Variants in PLD5 observed in about 807,000 individuals in gnomAD.
PLD5 encodes the protein phospholipase D family member 5, also known as inactive phospholipase D5.
In PLD5, 36 loss-of-function variants were observed where a neutral mutation model predicts 61.1. The ratio of observed to expected loss-of-function variants is 0.59; its 90% CI spans 0.45 to 0.78. The LOEUF is 0.78. PLD5 is among the 30% of genes least tolerant of loss of function. The pLI is 0.00. For synonymous variants in PLD5, 243 were observed against 242.8 expected, an observed-to-expected ratio of 1.00 and a Z score of -0.01; for missense variants, 515 against 644.4, an observed-to-expected ratio of 0.80 and a Z score of 2.17.
rs74153361 is a variant in PLD5 at position 242,136,889 on chromosome 1, A to G, written c.736-12224T>C. Among the ~76,000 whole-genome samples the G allele has an allele frequency of 9.6e-3, 1,463 of 152,342 alleles. 21 individuals are homozygous for G. Among genetic ancestry groups the G allele is most frequent in the African/African-American group, 0.033 (1,391 of 41,572 alleles). ...AGTATCCGGGATGGGAGACAGTCCA[A>G]TAGCTGCTTGGCAAATGGCTGGTTG... On this transcript the variant is annotated intron_variant, in intron 5 of 9. Coordinates refer to ENST00000536534, the MANE Select transcript of PLD5 (RefSeq NM_001372062.1).
chr1:242,504,978 A>G (rs1368368635), intron 1 of PLD5, among the ~76,000 whole-genome samples: 1 of 152,030 alleles, frequency 6.6e-6, no homozygotes, highest in African/African-American at 2.4e-5. Context: ...CAACACAATG[A>G]TACTCCATCT....
chr1:242,093,894 C>T (rs1488841653), intron 9 of PLD5, among the ~76,000 whole-genome samples: 35 of 151,462 alleles, frequency 2.3e-4, no homozygotes, highest in Admixed American at 2.0e-3. Flanking sequence ...TTTTTTCCTT[C>T]AAATTCAATG....
chr1:242,395,818 G>A (rs1663539292), intron 1 of PLD5, among the ~76,000 whole-genome samples: 1 of 152,216 alleles, frequency 6.6e-6, no homozygotes, highest in South Asian at 2.1e-4. Context: ...GGGAGGCCAA[G>A]GCAGGTGAAT....
At chr1:242,428,207 G>A (rs564200052) in intron 1 of PLD5, among the ~76,000 whole-genome samples, 40 of 152,300 alleles carry the variant, frequency 2.6e-4, no homozygotes, top group Admixed American at 2.2e-3. Context: ...TACAGTGAGC[G>A]TTTAAAATAA....
intron 7 of PLD5, 104 bp from the exon 8 acceptor site, chr1:242,107,943 T>C (rs972175464): frequency 2.0e-5 from 22 of 1,117,290 alleles, no homozygotes; most frequent in Non-Finnish European, 2.7e-5. Context: ...CATTACTTTA[T>C]CCTGTAATAT....
rs377210801 is a variant in PLD5 at position 242,122,604 on chromosome 1, GA to G, written c.933+1863del. 2.0e-3 allele frequency among the ~76,000 whole-genome samples: 303 copies of G among 152,240 alleles called. 1 individual carries two copies. Among genetic ancestry groups the G allele is most frequent in the South Asian group, 0.018 (88 of 4,820 alleles). On this transcript the variant is annotated intron_variant, in intron 6 of 9. Coordinates refer to ENST00000536534, the MANE Select transcript of PLD5 (RefSeq NM_001372062.1). ...TTATAGGGTCATCTTGAGATGAATT[GA>G]AAATGTCTATATAATTTATATTTAT...
At chr1:242,169,259 T>A (rs1388827099) in intron 5 of PLD5, among the ~76,000 whole-genome samples, 2 of 152,132 alleles carry the variant, frequency 1.3e-5, no homozygotes, top group Non-Finnish European at 2.9e-5. Flanking sequence ...TCACTGGGAA[T>A]GGTTGGACAG....
chr1:242,389,757 A>T (rs1294516172), intron 1 of PLD5, among the ~76,000 whole-genome samples: 2 of 152,178 alleles, frequency 1.3e-5, no homozygotes, highest in Admixed American at 6.6e-5. Context: ...TTCATGAGGG[A>T]TTAATAAACA....
At chr1:242,273,973 C>T (rs1674262660) in intron 3 of PLD5, among the ~76,000 whole-genome samples, 1 of 152,112 alleles carries the variant, frequency 6.6e-6, no homozygotes, top group Non-Finnish European at 1.5e-5. Flanking sequence ...TGGTTTTGAT[C>T]CGGGGAAACT....
chr1:242,200,967 C>T (rs1192212759), intron 5 of PLD5, among the ~76,000 whole-genome samples: 2 of 152,268 alleles, frequency 1.3e-5, no homozygotes, highest in African/African-American at 4.8e-5. Context: ...AATTCAGAGC[C>T]ACCAGTTCTA....
chr1:242,149,267 C>T (rs1048751256), intron 5 of PLD5, among the ~76,000 whole-genome samples: 1 of 151,782 alleles, frequency 6.6e-6, no homozygotes, highest in Non-Finnish European at 1.5e-5. Flanking sequence ...TACGGGTTTG[C>T]TTCTTTAGTC....
chr1:242,432,283 A>G (rs574722477), intron 1 of PLD5, among the ~76,000 whole-genome samples: 1 of 152,368 alleles, frequency 6.6e-6, no homozygotes, highest in African/African-American at 2.4e-5. Context: ...AATAGCATCA[A>G]TAGGAAATTC....
intron 3 of PLD5, among the ~76,000 whole-genome samples, chr1:242,288,097 T>C (rs1322462404): frequency 1.3e-5 from 2 of 152,232 alleles, no homozygotes; most frequent in South Asian, 2.1e-4. Context: ...CCTGAAGTTG[T>C]ACAACACAGC....
intron 2 of PLD5, among the ~76,000 whole-genome samples, chr1:242,298,467 GC>G (rs971892126): frequency 2.0e-4 from 30 of 152,198 alleles, no homozygotes; most frequent in Non-Finnish European, 1.0e-4. Context: ...GGGTCATCTA[GC>G]TAGAGAGAAT....
chr1:242,484,242 A>T (rs1219671271), intron 1 of PLD5, among the ~76,000 whole-genome samples: 3 of 152,204 alleles, frequency 2.0e-5, no homozygotes, highest in African/African-American at 7.2e-5. Flanking sequence ...AGACACAAAA[A>T]ACCCTTCAAA....
At chr1:242,155,376 T>C (rs1665274276) in intron 5 of PLD5, among the ~76,000 whole-genome samples, 1 of 152,180 alleles carries the variant, frequency 6.6e-6, no homozygotes, top group Non-Finnish European at 1.5e-5. Context: ...CATAGTTATT[T>C]CTTGTCTTCT....
Position 242,300,451 on chromosome 1 carries a change from GAAGAAAGA to G in PLD5, c.327-11929_327-11922del, listed in dbSNP as rs142382112. On this transcript the variant is annotated intron_variant, in intron 2 of 9. Coordinates refer to ENST00000536534, the MANE Select transcript of PLD5 (RefSeq NM_001372062.1). ...GGTGGCGGGAGAGGAGGAGGAGGAA[GAAGAAAGA>G]AAGAAAGAAAGAAAGAAAGAAGAAG... Among the ~76,000 whole-genome samples the G allele has an allele frequency of 7.1e-3, 1,068 of 149,716 alleles. 17 individuals are homozygous for G. Among genetic ancestry groups the G allele is most frequent in the African/African-American group, 0.025 (997 of 40,566 alleles).
At chr1:242,276,962 G>A (rs1277229932) in intron 3 of PLD5, among the ~76,000 whole-genome samples, 2 of 152,066 alleles carry the variant, frequency 1.3e-5, no homozygotes, top group Non-Finnish European at 2.9e-5. Context: ...GAAGAGAGAT[G>A]AATATGCTCA....
At chr1:242,426,661 A>C (rs1665445674) in intron 1 of PLD5, among the ~76,000 whole-genome samples, 1 of 152,262 alleles carries the variant, frequency 6.6e-6, no homozygotes, top group Non-Finnish European at 1.5e-5. Context: ...GTAAGTATAT[A>C]TGTGAGGCAA....
Sources: allele counts gnomAD v4.1 joint callset (sites outside exome capture counted in the v4.1 genomes callset), GRCh38; gene constraint gnomAD v4.1.1; transcripts MANE v1.5; gene names NCBI Gene and HGNC (gene_info 2026-07-23, HGNC 2026-07-21).